Variants in ATL2 observed in about 807,000 individuals in gnomAD.
ATL2 encodes atlastin GTPase 2.
A neutral mutation model predicts 73.9 loss-of-function variants in ATL2; 31 were observed. That is an observed-to-expected ratio of 0.42 (90% confidence interval 0.32 to 0.57). The LOEUF is 0.57. ATL2 is among the 20% of genes least tolerant of loss of function. The probability of loss-of-function intolerance (pLI) is 0.14; values close to 1 mark genes in which losing one functional copy is unlikely to be tolerated. For missense variants in ATL2, 738 were observed against 702.6 expected (o/e 1.05, Z -0.57); for synonymous variants, 291 against 237.5 (o/e 1.23, Z -2.07).
At chr2:38,371,801 G>A (rs891668182) in intron 1 of ATL2, among the ~76,000 whole-genome samples, 3 of 152,082 alleles carry the variant, frequency 2.0e-5, no homozygotes, top group Non-Finnish European at 4.4e-5. Flanking sequence ...AGGGGCTGAG[G>A]CACAAGAATC....
intron 1 of ATL2, chr2:38,358,367 C>T (rs970546617): frequency 6.5e-6 from 1 of 154,088 alleles, no homozygotes; most frequent in African/African-American, 2.4e-5. Context: ...AGTCGAGGTA[C>T]ATAAAACAAT....
intron 1 of ATL2, among the ~76,000 whole-genome samples, chr2:38,364,229 T>C (rs1671174565): frequency 6.6e-6 from 1 of 151,888 alleles, no homozygotes; most frequent in Non-Finnish European, 1.5e-5. Context: ...ACCACTGCAC[T>C]CCAGCCTGGG....
chr2:38,375,684 G>A (rs1465331372), intron 1 of ATL2, among the ~76,000 whole-genome samples: 5 of 152,138 alleles, frequency 3.3e-5, no homozygotes, highest in Non-Finnish European at 2.9e-5. Context: ...TCTTCCCCTA[G>A]GGTCCAACCA....
At chr2:38,315,474 C>A (rs1481912119) in intron 4 of ATL2, 140 bp from the exon 5 acceptor site, 3 of 830,580 alleles carry the variant, frequency 3.6e-6, no homozygotes, top group South Asian at 1.9e-5. Flanking sequence ...TGACAACTGA[C>A]ATGTGAAAAG....
chr2:38,364,023 G>A (rs1671160739), intron 1 of ATL2, among the ~76,000 whole-genome samples: 1 of 152,174 alleles, frequency 6.6e-6, no homozygotes, highest in Non-Finnish European at 1.5e-5. Flanking sequence ...CAGCACTTTG[G>A]GAGGCCAAGG....
At chr2:38,372,828 ATACT>A (rs1488659530) in intron 1 of ATL2, among the ~76,000 whole-genome samples, 1 of 152,246 alleles carries the variant, frequency 6.6e-6, no homozygotes, top group Non-Finnish European at 1.5e-5. Flanking sequence ...AACACATTTG[ATACT>A]TACAATAACC....
chr2:38,368,362 C>T (rs1227304259), intron 1 of ATL2, among the ~76,000 whole-genome samples: 1 of 151,880 alleles, frequency 6.6e-6, no homozygotes, highest in East Asian at 1.9e-4. Flanking sequence ...AAGCGATTCT[C>T]CTGCCTCAGC....
intron 7 of ATL2, among the ~76,000 whole-genome samples, chr2:38,310,930 C>G (rs767513440): frequency 5.3e-5 from 8 of 152,040 alleles, no homozygotes; most frequent in Non-Finnish European, 8.8e-5. Flanking sequence ...CCCAGCCAAC[C>G]CCACATTTTC....
chr2:38,367,208 T>C (rs1374996665), intron 1 of ATL2, among the ~76,000 whole-genome samples: 2 of 152,084 alleles, frequency 1.3e-5, no homozygotes, highest in Non-Finnish European at 2.9e-5. Context: ...GATCTGAACC[T>C]AGCTTCTAAG....
chr2:38,367,101 C>T (rs371976869), intron 1 of ATL2, among the ~76,000 whole-genome samples: 3 of 151,770 alleles, frequency 2.0e-5, no homozygotes, highest in Non-Finnish European at 2.9e-5. Flanking sequence ...ATTAAAGGCA[C>T]GAGCCACCGC....
intron 1 of ATL2, among the ~76,000 whole-genome samples, chr2:38,370,798 T>C (rs1202855135): frequency 2.7e-5 from 4 of 148,956 alleles, no homozygotes; most frequent in Non-Finnish European, 5.9e-5. Flanking sequence ...AACAAAAAAA[T>C]CAACCCCTGG....
chr2:38,364,907 G>A lies in ATL2; in HGVS notation c.118+12236C>T, dbSNP rs571871535. ...AAAATACAAAAAATTAGCCATGCGT[G>A]GTGGCACACGCCTGTAGTCCCAGCT... On this transcript the variant is annotated intron_variant, in intron 1 of 12. Coordinates refer to ENST00000378954, the MANE Select transcript of ATL2 (RefSeq NM_001135673.4). Among the ~76,000 whole-genome samples, 5 of 152,260 alleles carry A rather than the reference G, an allele frequency of 3.3e-5. No individual in the cohort carries two copies. In the East Asian group the frequency reaches 9.7e-4, roughly 29 times the overall value.
At chr2:38,366,562 C>A (rs1345602828) in intron 1 of ATL2, among the ~76,000 whole-genome samples, 1 of 152,180 alleles carries the variant, frequency 6.6e-6, no homozygotes, top group Non-Finnish European at 1.5e-5. Flanking sequence ...ACACTTTGCT[C>A]TCTAAGATCT....
chr2:38,323,796 G>A (rs1668455896), intron 2 of ATL2, among the ~76,000 whole-genome samples: 1 of 152,058 alleles, frequency 6.6e-6, no homozygotes, highest in South Asian at 2.1e-4. Context: ...CACTGTCCTC[G>A]ACATCCTGGG....
intron 9 of ATL2, among the ~76,000 whole-genome samples, chr2:38,303,547 G>A (rs1163800017): frequency 6.6e-6 from 1 of 151,878 alleles, no homozygotes; most frequent in Non-Finnish European, 1.5e-5. Context: ...TTGGAGACAG[G>A]CTATTTGAAA....
intron 2 of ATL2, among the ~76,000 whole-genome samples, chr2:38,333,201 A>AT (rs1177333745): frequency 2.0e-5 from 3 of 152,046 alleles, no homozygotes; most frequent in African/African-American, 7.3e-5. Context: ...TTCAGGGTCG[A>AT]TCACCTGAGC....
At position 38,315,310 on chromosome 2, in the gene ATL2, G is replaced by C; in HGVS notation, c.628C>G (p.Gln210Glu). The C allele has an allele frequency of 6.7e-7, 1 of 1,492,406 alleles. No individual in the cohort carries two copies. Among genetic ancestry groups the C allele is most frequent in the Non-Finnish European group, 8.8e-7 (1 of 1,130,854 alleles). The allele number at this position is 1,492,406 out of a possible 1,614,324, so 92.4% of individuals were successfully genotyped here. ...TGCAAATGTTGAAGATCATCTTCTT[G>C]AATATTCTGAGACAGATTATATACC... ...VQVYNLSQNI[Q>E]EDDLQHLQLF... is the part of the protein sequence containing the mutation. The change falls in exon 5 of 13, where the codon CAA (glutamine) becomes GAA (glutamate). Residue 210 changes from glutamine (Q) to glutamate (E), a missense_variant. By Grantham distance (29) the Gln-to-Glu change is conservative. Transcript: ENST00000378954.
intron 2 of ATL2, among the ~76,000 whole-genome samples, chr2:38,337,514 AAAAG>A: frequency 6.7e-6 from 1 of 148,518 alleles, no homozygotes; most frequent in African/African-American, 2.5e-5. Flanking sequence ...AAAAAAAAAA[AAAAG>A]GCAGTTGAGG....
At chr2:38,325,681 C>CACACACACACACCAGT (rs1668584412) in intron 2 of ATL2, among the ~76,000 whole-genome samples, 2 of 77,516 alleles carry the variant, frequency 2.6e-5, no homozygotes, top group Non-Finnish European at 4.2e-5. Context: ...CACACACACA[C>CACACACACACACCAGT]ACACACACAC....
Sources: allele counts gnomAD v4.1 joint callset (sites outside exome capture counted in the v4.1 genomes callset), GRCh38; gene constraint gnomAD v4.1.1; transcripts MANE v1.5; gene names NCBI Gene and HGNC (gene_info 2026-07-23, HGNC 2026-07-21).